Variants in NFATC1 observed in about 807,000 individuals in gnomAD.
NFATC1 encodes nuclear factor of activated T cells 1.
NFATC1 carries 22 observed loss-of-function variants against 76.0 expected under a neutral mutation model. The ratio of observed to expected loss-of-function variants is 0.29; its 90% confidence interval spans 0.21 to 0.41. NFATC1 has a LOEUF of 0.41. NFATC1 is among the 10% of genes least tolerant of loss of function. The pLI is 1.00. For synonymous variants in NFATC1, 704 were observed against 613.1 expected, an observed-to-expected ratio of 1.15 and a Z score of -2.19; for missense variants, 1,357 against 1,337.7, an observed-to-expected ratio of 1.01 and a Z score of -0.23.
At chr18:79,510,842 CATCCTCT>C (rs2090228243) in intron 9 of NFATC1, among the ~76,000 whole-genome samples, 1 of 149,420 alleles carries the variant, frequency 6.7e-6, no homozygotes, top group Non-Finnish European at 1.5e-5. Context: ...TCTGCCGGGG[CATCCTCT>C]GCCGGGGCAT....
intron 7 of NFATC1, among the ~76,000 whole-genome samples, chr18:79,466,259 G>C (rs1043586635): frequency 1.3e-5 from 2 of 152,230 alleles, no homozygotes; most frequent in African/African-American, 4.8e-5. Context: ...GTTAGGTGCT[G>C]AGCTATAATT....
At chr18:79,508,508 A>G (rs1372406261) in intron 9 of NFATC1, among the ~76,000 whole-genome samples, 1 of 152,192 alleles carries the variant, frequency 6.6e-6, no homozygotes. Context: ...TAAAAGAAAA[A>G]TTGAAAGCAC....
Position 79,454,769 on chromosome 18 carries a change from G to A in NFATC1, c.1903+2953G>A, listed in dbSNP as rs111373148. 1.0e-3 allele frequency among the ~76,000 whole-genome samples: 156 copies of A among 152,284 alleles called. 1 individual carries two copies. Among genetic ancestry groups the A allele is most frequent in the Middle Eastern group, 3.4e-3 (1 of 294 alleles). On this transcript the variant is annotated intron_variant, in intron 6 of 9. Transcript: ENST00000427363. Reference sequence around the variant, plus strand: ...GGTTGGCTGTGGGGAGCCGAGGGCCGGGTGTTGGTTTAGAAGCCCCTGGTA... The same window carrying A: ...GGTTGGCTGTGGGGAGCCGAGGGCCAGGTGTTGGTTTAGAAGCCCCTGGTA...
chr18:79,448,254 T>G (rs1422296898), intron 3 of NFATC1: 1 of 161,236 alleles, frequency 6.2e-6, no homozygotes, highest in East Asian at 1.8e-4. Context: ...CCCCTGCCTC[T>G]GCAGGAGGAG....
intron 3 of NFATC1, among the ~76,000 whole-genome samples, chr18:79,434,844 C>T (rs891578946): frequency 2.6e-5 from 4 of 152,238 alleles, no homozygotes; most frequent in South Asian, 2.1e-4. Flanking sequence ...GCGTTTTCGC[C>T]AGCACTTGCA....
chr18:79,406,719 A>G (rs2085451713), intron 1 of NFATC1, among the ~76,000 whole-genome samples: 1 of 151,994 alleles, frequency 6.6e-6, no homozygotes, highest in Non-Finnish European at 1.5e-5. Context: ...GTGGCACCTC[A>G]ACGGGAACCC....
intron 1 of NFATC1, among the ~76,000 whole-genome samples, chr18:79,399,313 C>T (rs1036346797): frequency 1.3e-5 from 2 of 152,248 alleles, no homozygotes; most frequent in African/African-American, 4.8e-5. Flanking sequence ...GACCCTGGGA[C>T]TGGAGGGTTT....
chr18:79,461,927 C>T (rs1250988784), intron 7 of NFATC1, among the ~76,000 whole-genome samples: 1 of 152,250 alleles, frequency 6.6e-6, no homozygotes, highest in Non-Finnish European at 1.5e-5. Context: ...CTGGGCGTGG[C>T]TCCTGGACTC....
rs114487367 is a variant in NFATC1 at position 79,477,923 on chromosome 18, G to C, written c.2093-8325G>C. ...ATCAGGGCCCCACCCTGATGACATT[G>C]TTTAACCCCCAGTTACCTCCTGCAA... On this transcript the variant is annotated intron_variant, in intron 8 of 9. Transcript: ENST00000427363. 4.9e-3 allele frequency among the ~76,000 whole-genome samples: 743 copies of C among 152,272 alleles called. 7 individuals are homozygous for C. The highest frequency in any genetic ancestry group is 0.015 in the African/African-American group (641 of 41,552).
At chr18:79,429,470 C>G (rs1369138389) in intron 2 of NFATC1, among the ~76,000 whole-genome samples, 1 of 152,040 alleles carries the variant, frequency 6.6e-6, no homozygotes, top group African/African-American at 2.4e-5. Flanking sequence ...CAGTCCTGAG[C>G]TTAGGGCTTC....
At chr18:79,400,681 C>T (rs2085175832) in intron 1 of NFATC1, among the ~76,000 whole-genome samples, 2 of 60,740 alleles carry the variant, frequency 3.3e-5, no homozygotes, top group South Asian at 3.9e-4. Context: ...GCGGCGGGGT[C>T]CTGGGGGAAG....
chr18:79,527,435 G>C (rs560177382), intron 9 of NFATC1, 93 bp from the exon 10 acceptor site: 102 of 1,017,870 alleles, frequency 1.0e-4, no homozygotes, highest in Non-Finnish European at 1.4e-4. Context: ...TGTCACAGGC[G>C]TGAGCGTCAC....
intron 9 of NFATC1, chr18:79,515,857 A>G (rs1036396585): frequency 6.6e-6 from 1 of 152,008 alleles, no homozygotes; most frequent in Non-Finnish European, 1.5e-5. Context: ...GAATTTCATA[A>G]TTTGGGGGCA....
chr18:79,412,450 TC>T (rs1198847823), intron 2 of NFATC1, among the ~76,000 whole-genome samples: 27 of 150,006 alleles, frequency 1.8e-4, no homozygotes, highest in Non-Finnish European at 2.7e-4. Context: ...TTTTTTTTTT[TC>T]GTCCCTCCCC....
intron 2 of NFATC1, among the ~76,000 whole-genome samples, chr18:79,418,501 C>A (rs564076390): frequency 1.7e-4 from 26 of 152,340 alleles, no homozygotes; most frequent in Non-Finnish European, 3.5e-4. Context: ...TCGGCCCAGA[C>A]TGGCCTTCTG....
chr18:79,411,561 C>A (rs927655705), intron 2 of NFATC1, 60 bp downstream of exon 2: 2 of 1,178,564 alleles, frequency 1.7e-6, no homozygotes, highest in Admixed American at 4.3e-5. Flanking sequence ...CGGGGCGGAA[C>A]GCGGGGAGCG....
intron 6 of NFATC1, among the ~76,000 whole-genome samples, chr18:79,456,425 G>A (rs937131373): frequency 2.6e-4 from 39 of 152,242 alleles, no homozygotes; most frequent in African/African-American, 8.9e-4. Context: ...AAGGCCAGGG[G>A]GAGGTTCACC....
rs1265127195 is a variant in NFATC1, at chr18:79,512,180, G to GCCCCAGGACACGGCCTCA, written c.2783-15330_2783-15313dup. 5.7e-4 allele frequency among the ~76,000 whole-genome samples: 86 copies of GCCCCAGGACACGGCCTCA among 151,778 alleles called. 1 individual carries two copies. The highest frequency in any genetic ancestry group is 1.1e-3 in the Non-Finnish European group (75 of 67,898). ...CAGCCTGACCCCAGGACACGGCCTC[G>GCCCCAGGACACGGCCTCA]CCCCAGGACACGGCCTCACCCCAGG... On this transcript the variant is annotated intron_variant, in intron 9 of 9. Transcript: ENST00000427363.
chr18:79,509,989 C>T (rs913417770), intron 9 of NFATC1, among the ~76,000 whole-genome samples: 1 of 152,232 alleles, frequency 6.6e-6, no homozygotes, highest in Non-Finnish European at 1.5e-5. Flanking sequence ...ATCTTTGGTC[C>T]TTTATTGTGA....
Sources: allele counts gnomAD v4.1 joint callset (sites outside exome capture counted in the v4.1 genomes callset), GRCh38; gene constraint gnomAD v4.1.1; transcripts MANE v1.5; gene names NCBI Gene and HGNC (gene_info 2026-07-23, HGNC 2026-07-21).